SUMF1: variants seen among roughly 807,000 people sequenced by gnomAD.
SUMF1 encodes formylglycine-generating enzyme.
In SUMF1, 48 loss-of-function variants were observed where a neutral mutation model predicts 47.6. That is an observed-to-expected ratio of 1.01 (90% confidence interval 0.80 to 1.28). The LOEUF (loss-of-function observed/expected upper bound fraction) is 1.28, where lower values mean the gene tolerates loss of function less well. Among genes scored for constraint, SUMF1 ranks in the 50% most tolerant of loss-of-function variants. SUMF1 has a pLI of 0.00. For missense variants in SUMF1, 571 were observed against 485.4 expected (o/e 1.18, Z -1.66); for synonymous variants, 230 against 192.1 (o/e 1.20, Z -1.63).
chr3:4,116,746 G>A (rs951276782), intron 8 of SUMF1, among the ~76,000 whole-genome samples: 3 of 151,956 alleles, frequency 2.0e-5, no homozygotes, highest in African/African-American at 7.3e-5. Context: ...AGGGTATCGT[G>A]CTGAAAATAA....
At chr3:4,425,116 A>C (rs572175913) in intron 3 of SUMF1, among the ~76,000 whole-genome samples, 1 of 152,320 alleles carries the variant, frequency 6.6e-6, no homozygotes, top group South Asian at 2.1e-4. Context: ...GGAAAAAAAG[A>C]TTACTCTTCT....
At chr3:4,272,364 T>C (rs1697321868) in intron 8 of SUMF1, among the ~76,000 whole-genome samples, 1 of 152,216 alleles carries the variant, frequency 6.6e-6, no homozygotes, top group African/African-American at 2.4e-5. Flanking sequence ...TGAAACTGGC[T>C]GGACCTTCGG....
chr3:4,112,237 G>C (rs1375741214), intron 8 of SUMF1, among the ~76,000 whole-genome samples: 1 of 152,104 alleles, frequency 6.6e-6, no homozygotes, highest in East Asian at 1.9e-4. Flanking sequence ...TAGTACACCA[G>C]ATACATAAAA....
chr3:4,415,851 G>A (rs938252460), intron 6 of SUMF1, among the ~76,000 whole-genome samples: 2 of 152,150 alleles, frequency 1.3e-5, no homozygotes, highest in Non-Finnish European at 2.9e-5. Context: ...AATGGCTCAA[G>A]GTTGAAGTGA....
chr3:4,267,120 A>G (rs987090164), intron 8 of SUMF1, among the ~76,000 whole-genome samples: 129 of 152,154 alleles, frequency 8.5e-4, no homozygotes, highest in Middle Eastern at 3.4e-3. Context: ...TGCTGGATTC[A>G]GTTTGCCAGT....
chr3:4,251,554 A>C (rs1012218086), intron 8 of SUMF1, among the ~76,000 whole-genome samples: 11 of 152,216 alleles, frequency 7.2e-5, no homozygotes, highest in African/African-American at 2.7e-4. Flanking sequence ...TCTGAAAGAG[A>C]AAGTCCATTG....
At chr3:4,079,485 G>A (rs1188798722) in intron 8 of SUMF1, among the ~76,000 whole-genome samples, 1 of 151,898 alleles carries the variant, frequency 6.6e-6, no homozygotes, top group Admixed American at 6.6e-5. Flanking sequence ...TAGCAGTACA[G>A]TGTAGCTCTT....
At chr3:4,253,672 G>A (rs945890232) in intron 8 of SUMF1, among the ~76,000 whole-genome samples, 2 of 151,688 alleles carry the variant, frequency 1.3e-5, no homozygotes, top group South Asian at 2.1e-4. Context: ...CAAGGCGGCA[G>A]CGAGGCTGGG....
At chr3:4,300,639 G>A (rs547228465) in intron 8 of SUMF1, among the ~76,000 whole-genome samples, 215 of 152,230 alleles carry the variant, frequency 1.4e-3, no homozygotes, top group Non-Finnish European at 2.5e-3. Flanking sequence ...TCCCTTCTGG[G>A]ATAACTAAGT....
chr3:4,356,195 C>G (rs1344173678), downstream of SUMF1, among the ~76,000 whole-genome samples: 1 of 152,178 alleles, frequency 6.6e-6, no homozygotes, highest in Non-Finnish European at 1.5e-5. Context: ...AATAGCACAA[C>G]TGATTCTGGA....
chr3:4,237,277 A>T (rs112520296), intron 8 of SUMF1, among the ~76,000 whole-genome samples: 1,708 of 152,144 alleles, frequency 0.011, 32 homozygotes, highest in African/African-American at 0.039. Flanking sequence ...TGCTCCATGT[A>T]CTCACCAGCA....
At chr3:4,270,017 T>TC (rs1271002072) in intron 8 of SUMF1, among the ~76,000 whole-genome samples, 2 of 152,112 alleles carry the variant, frequency 1.3e-5, no homozygotes, top group African/African-American at 4.8e-5. Context: ...TCTCATTTAG[T>TC]CCCCACAGAA....
rs772450368 is a variant in SUMF1 at position 4,418,137 on chromosome 3, G to T, written c.603-5C>A. 5 of 1,613,958 alleles carry T rather than the reference G, an allele frequency of 3.1e-6. No homozygotes were observed. In the South Asian group the frequency reaches 4.4e-5, roughly 14 times the overall value. Reference sequence around the variant, plus strand: ...TGGAGAACTGGATGATCCGGCCTGGGGAAGAGCAAAAGTAGAATGAAAAGT... The same window carrying T: ...TGGAGAACTGGATGATCCGGCCTGGTGAAGAGCAAAAGTAGAATGAAAAGT... On this transcript the variant is annotated splice_region_variant and splice_polypyrimidine_tract_variant and intron_variant, in intron 4 of 8. Coordinates refer to ENST00000272902, the MANE Select transcript of SUMF1 (RefSeq NM_182760.4).
chr3:4,320,144 CA>C (rs1698796995), intron 8 of SUMF1, among the ~76,000 whole-genome samples: 1 of 152,066 alleles, frequency 6.6e-6, no homozygotes, highest in African/African-American at 2.4e-5. Flanking sequence ...TTTATGTAAA[CA>C]ATTTTAATCA....
intron 8 of SUMF1, among the ~76,000 whole-genome samples, chr3:4,307,064 C>T (rs1487719746): frequency 1.3e-5 from 2 of 152,156 alleles, no homozygotes; most frequent in Admixed American, 6.5e-5. Flanking sequence ...GAAAAACAAA[C>T]TTATGAGGCT....
At chr3:4,260,574 A>G (rs1364964122) in intron 8 of SUMF1, among the ~76,000 whole-genome samples, 1 of 152,140 alleles carries the variant, frequency 6.6e-6, no homozygotes, top group Non-Finnish European at 1.5e-5. Context: ...TCTTATTTGT[A>G]GAAGAATTCT....
intron 8 of SUMF1, among the ~76,000 whole-genome samples, chr3:4,122,398 G>C (rs1693565693): frequency 6.6e-6 from 1 of 152,128 alleles, no homozygotes. Context: ...TCAGGGAGAA[G>C]GTATGTGGGA....
At chr3:4,186,969 TA>T (rs1358737783) in intron 8 of SUMF1, among the ~76,000 whole-genome samples, 1 of 152,132 alleles carries the variant, frequency 6.6e-6, no homozygotes, top group Non-Finnish European at 1.5e-5. Context: ...TACAAACCAA[TA>T]TGTTACTAGC....
At chr3:4,382,603 A>G (rs1427975509) in intron 7 of SUMF1, among the ~76,000 whole-genome samples, 1 of 152,230 alleles carries the variant, frequency 6.6e-6, no homozygotes, top group Non-Finnish European at 1.5e-5. Context: ...TCATTCTGCT[A>G]TAAAGACACA....
Sources: allele counts gnomAD v4.1 joint callset (sites outside exome capture counted in the v4.1 genomes callset), GRCh38; gene constraint gnomAD v4.1.1; transcripts MANE v1.5; gene names NCBI Gene and HGNC (gene_info 2026-07-23, HGNC 2026-07-21).